The following LRP2 variants were observed in gnomAD, a reference collection of about 807,000 sequenced individuals.
LRP2 encodes the protein low-density lipoprotein receptor-related protein 2.
LRP2 carries 172 observed loss-of-function variants against 531.0 expected under a neutral mutation model. That is an observed-to-expected ratio of 0.32 (90% CI 0.29 to 0.37). The LOEUF (loss-of-function observed/expected upper bound fraction) is 0.37, where lower values mean the gene tolerates loss of function less well. Ranked by LOEUF, LRP2 falls within the 10% of genes least tolerant of loss-of-function variation. LRP2 has a pLI of 1.00. For synonymous variants in LRP2, 1,992 were observed against 2,027.6 expected (o/e 0.98, Z 0.47); for missense variants, 5,167 against 5,868.3 (o/e 0.88, Z 3.90).
chr2:169,300,434 CT>C (rs1288803103), intron 4 of LRP2, among the ~76,000 whole-genome samples: 1 of 140,092 alleles, frequency 7.1e-6, no homozygotes, highest in Non-Finnish European at 1.5e-5. Flanking sequence ...TCAGTGGGTT[CT>C]AAAAAAAGGA....
chr2:169,325,210 T>G (rs1450765741), intron 1 of LRP2, among the ~76,000 whole-genome samples: 3 of 152,174 alleles, frequency 2.0e-5, no homozygotes, highest in Non-Finnish European at 4.4e-5. Context: ...TTGTCCAAAG[T>G]TAACAGAGTA....
chr2:169,273,156 A>C, intron 14 of LRP2, 89 bp from the exon 15 acceptor site: 1 of 1,443,150 alleles, frequency 6.9e-7, no homozygotes, highest in Non-Finnish European at 9.7e-7. Context: ...TTTCACCTAT[A>C]GGTGAAATAG....
rs1190874831 is a variant in LRP2 at position 169,257,234 on chromosome 2, A to G, written c.2529T>C (p.Thr843=). 1 of 1,612,724 alleles carries G rather than the reference A, an allele frequency of 6.2e-7. No homozygotes were observed. Among genetic ancestry groups the G allele is most frequent in the South Asian group, 1.1e-5 (1 of 91,064 alleles). The change falls in exon 18 of 79, where the codon ACT becomes ACC. Residue 843 remains threonine, a synonymous_variant. Coordinates refer to ENST00000649046, the MANE Select transcript of LRP2 (RefSeq NM_004525.3). ...VHPFAGYLFF[T]DWFRPAKIMR... is the part of the protein sequence containing the mutation. ...TAATTTTAGCAGGACGGAACCAATC[A>G]GTGAAGAATAGATACCTAGAAAAAG...
intron 1 of LRP2, among the ~76,000 whole-genome samples, chr2:169,361,336 CTCTG>C (rs1326978750): frequency 0.014 from 883 of 64,948 alleles, 13 homozygotes; most frequent in African/African-American, 0.049. Flanking sequence ...CTCTGTCTCT[CTCTG>C]TCTCTCTCTG....
intron 65 of LRP2, among the ~76,000 whole-genome samples, chr2:169,155,712 C>G (rs940085564): frequency 1.3e-5 from 2 of 152,118 alleles, no homozygotes; most frequent in Middle Eastern, 3.2e-3. Context: ...CAGACACTGG[C>G]ATCAACCTAA....
chr2:169,269,495 A>C (rs1029682590), intron 16 of LRP2, among the ~76,000 whole-genome samples: 31 of 152,256 alleles, frequency 2.0e-4, no homozygotes, highest in East Asian at 3.9e-4. Flanking sequence ...CAAAAACAAG[A>C]AATGGGGAAA....
At chr2:169,278,486 A>AC in intron 12 of LRP2, among the ~76,000 whole-genome samples, 1 of 152,104 alleles carries the variant, frequency 6.6e-6, no homozygotes, top group East Asian at 1.9e-4. Context: ...CCTGTCTCAA[A>AC]AAAAAAAAAT....
intron 34 of LRP2, among the ~76,000 whole-genome samples, chr2:169,219,610 C>A (rs1345250885): frequency 1.3e-5 from 2 of 152,156 alleles, no homozygotes; most frequent in African/African-American, 4.8e-5. Context: ...ACCACATGTT[C>A]TGACTTATAA....
chr2:169,202,007 C>G (rs1688219613), intron 43 of LRP2, 137 bp from the exon 44 acceptor site: 7 of 1,041,256 alleles, frequency 6.7e-6, no homozygotes, highest in Non-Finnish European at 8.5e-6. Flanking sequence ...GGACTGCATG[C>G]AAAGTGAGAT....
At chr2:169,237,339 A>C in intron 27 of LRP2, 52 bp from the exon 28 acceptor site, 1 of 1,265,642 alleles carries the variant, frequency 7.9e-7, no homozygotes, top group Non-Finnish European at 1.2e-6. Flanking sequence ...AAATGAATGC[A>C]AACATGGATA....
In LRP2 at chr2:169,238,186, C is replaced by T. The variant is rs753322070; in HGVS notation, c.4411G>A (p.Val1471Ile). 3 of 1,614,024 alleles carry T rather than the reference C, an allele frequency of 1.9e-6. No homozygotes were observed. The South Asian group carries it at 3.3e-5, about 18-fold the overall frequency. ...CGACCACTAATTGAATCAAAATCAA[C>T]AGCTACAATGTAAGAACCATTCTCG... is the stretch of plus-strand genomic sequence containing the variant. ...LVENGSYIVA[V>I]DFDSISGRIF... is the part of the protein sequence containing the mutation. The change falls in exon 27 of 79, where the codon GTT (valine) becomes ATT (isoleucine). Residue 1471 changes from valine (V) to isoleucine (I), a missense_variant. Coordinates refer to ENST00000649046, the MANE Select transcript of LRP2 (RefSeq NM_004525.3).
intron 4 of LRP2, among the ~76,000 whole-genome samples, chr2:169,305,043 G>A (rs1004243869): frequency 3.3e-5 from 5 of 151,932 alleles, no homozygotes; most frequent in African/African-American, 4.8e-5. Flanking sequence ...AGAGGGGAAC[G>A]TCACACATGT....
chr2:169,207,163 T>C lies in LRP2; in HGVS notation c.6557A>G (p.Lys2186Arg). 6.2e-7 allele frequency: 1 copy of C among 1,613,598 alleles called. No homozygotes were observed. ...INTTYRRVLL[K>R]VTVDMPRHIV... The stretch of plus-strand genomic sequence containing the variant: ...ATGCCTAGGCATGTCCACTGTGACT[T>C]TAAGAAGAACACGGCGGTAAGTAGT... The change falls in exon 39 of 79, where the codon AAA becomes AGA. Residue 2186 changes from lysine to arginine, a missense_variant. Physicochemically the swap from Lys to Arg is conservative, Grantham distance 26 (BLOSUM62 2). Transcript: ENST00000649046.
chr2:169,248,950 G>A (rs1690130083), intron 19 of LRP2, among the ~76,000 whole-genome samples: 1 of 38,342 alleles, frequency 2.6e-5, no homozygotes, highest in Non-Finnish European at 5.2e-5. Flanking sequence ...GGCGCACCAC[G>A]AGACTATATC....
At chr2:169,208,746 T>C (rs10200859) in intron 38 of LRP2, among the ~76,000 whole-genome samples, 42,837 of 152,058 alleles carry the variant, frequency 0.28, 6,327 homozygotes, top group South Asian at 0.38. Context: ...CATGAGCCAC[T>C]GCGCCCTGCC....
Position 169,146,699 on chromosome 2 carries a change from A to T in LRP2, c.12811+40T>A, listed in dbSNP as rs746605445. On this transcript the variant is annotated intron_variant, in intron 69 of 78. Transcript: ENST00000649046. ...AGGCAAAGACATTAGAAATATGTTAATTATTAATTTAATATATTACTTTCT... is the reference window on the plus strand; with the variant it reads ...AGGCAAAGACATTAGAAATATGTTATTTATTAATTTAATATATTACTTTCT... The T allele has an allele frequency of 4.1e-6, 6 of 1,454,316 alleles. No homozygotes were observed. The African/African-American group carries it at 4.3e-5, about 10-fold the overall frequency. The allele number at this position is 1,454,316 out of a possible 1,614,324, so 90.1% of individuals were successfully genotyped here. A position where few individuals can be genotyped will look rare whatever the true frequency, so the allele number is the denominator to read the frequency against.
chr2:169,153,041 AGTACTGT>A, intron 66 of LRP2, 77 bp from the exon 67 acceptor site: 1 of 1,359,522 alleles, frequency 7.4e-7, no homozygotes, highest in East Asian at 2.3e-5. Flanking sequence ...AATCAGGTGA[AGTACTGT>A]TCGTTTATTG....
chr2:169,140,481 A>G lies in LRP2; in HGVS notation c.13173T>C (p.Phe4391=), dbSNP rs764605109. ...TGCATTTGGGGAGGTCAGTCTCATC[A>G]AAATAGCAATTTCCTCCGTGCATGC... ...CRCMHGGNCY[F]DETDLPKCKC... is the part of the protein sequence containing the mutation. The change falls in exon 72 of 79, where the codon TTT becomes TTC. Residue 4391 remains phenylalanine (F), a synonymous_variant. Coordinates refer to ENST00000649046, the MANE Select transcript of LRP2 (RefSeq NM_004525.3). 5.6e-6 allele frequency: 9 copies of G among 1,614,172 alleles called. No homozygotes were observed. In the South Asian group the frequency reaches 9.9e-5, roughly 18 times the overall value.
At position 169,197,023 on chromosome 2, in the gene LRP2, G is replaced by A. The variant is rs1482141319; in HGVS notation, c.8586C>T (p.His2862=). 2.5e-6 allele frequency: 4 copies of A among 1,613,912 alleles called. No homozygotes were observed. Among genetic ancestry groups the A allele is most frequent in the Non-Finnish European group, 3.4e-6 (4 of 1,180,000 alleles). ...SDENPTYCTT[H]TCSSSEFQCA... is the part of the protein sequence containing the mutation. ...ATTGGAACTCACTGCTGCTGCACGT[G>A]TGAGTGGCTGCAGGAGGGAAAGAAG... is the stretch of plus-strand genomic sequence containing the variant. Residue 2862 remains histidine, a synonymous_variant, in exon 46 of 79, where the codon CAC becomes CAT. Transcript: ENST00000649046.
Sources: gnomAD v4.1 joint callset for allele counts (sites outside exome capture counted in the v4.1 genomes callset) on GRCh38, gnomAD v4.1.1 for gene constraint, MANE v1.5 for transcripts, NCBI Gene and HGNC (gene_info 2026-07-23, HGNC 2026-07-21) for gene names.